DMD: variants seen among roughly 807,000 people sequenced by gnomAD.
DMD encodes dystrophin, also known as mutant dystrophin.
A neutral mutation model predicts 330.1 loss-of-function variants in DMD; 63 were observed. The observed-to-expected ratio is 0.19, with a 90% confidence interval of 0.16 to 0.24. The LOEUF (loss-of-function observed/expected upper bound fraction) is 0.24. Among genes scored for constraint, DMD ranks in the 10% least tolerant of loss-of-function variants. The pLI, the probability that DMD is intolerant of heterozygous loss-of-function variation, is 1.00. For synonymous variants in DMD, 1,223 were observed against 959.8 expected, an observed-to-expected ratio of 1.27 and a Z score of -5.07; for missense variants, 3,344 against 2,684.1, an observed-to-expected ratio of 1.25 and a Z score of -5.43.
chrX:31,274,723 T>C (rs908968701), intron 62 of DMD, among the ~76,000 whole-genome samples: 3 of 112,484 alleles, frequency 2.7e-5, no homozygotes, highest in Non-Finnish European at 5.6e-5. Context: ...TAAGTTTCTC[T>C]ATTAAATATT....
chrX:33,235,572 C>G, intron 1 of DMD, among the ~76,000 whole-genome samples: 1 of 111,915 alleles, frequency 8.9e-6, no homozygotes, highest in South Asian at 3.7e-4. Flanking sequence ...GATTCAATGA[C>G]ATACAGCAAT....
intron 9 of DMD, among the ~76,000 whole-genome samples, chrX:32,662,970 G>C (rs1315771458): frequency 3.6e-5 from 4 of 112,041 alleles, no homozygotes; most frequent in African/African-American, 1.3e-4. Context: ...AGACCTCAAA[G>C]TCCTTTGTTT....
At chrX:32,141,282 A>C (rs1569546555) in intron 44 of DMD, among the ~76,000 whole-genome samples, 3 of 107,768 alleles carry the variant, frequency 2.8e-5, no homozygotes, top group Admixed American at 1.0e-4. Context: ...AAAAAAAAAA[A>C]ACAAATAGCC....
intron 44 of DMD, among the ~76,000 whole-genome samples, chrX:32,180,744 C>T (rs1327618726): frequency 9.0e-6 from 1 of 111,598 alleles, no homozygotes; most frequent in Non-Finnish European, 1.9e-5. Context: ...GAGCAAGCCA[C>T]CTTCTTCACA....
chrX:33,139,528 C>A (rs116567048), intron 1 of DMD, among the ~76,000 whole-genome samples: 123 of 110,493 alleles, frequency 1.1e-3, no homozygotes, highest in African/African-American at 4.0e-3. Flanking sequence ...GTGATCGGAG[C>A]ATGCGGGTGG....
intron 2 of DMD, among the ~76,000 whole-genome samples, chrX:32,949,635 G>A (rs995486671): frequency 6.3e-5 from 7 of 111,270 alleles, no homozygotes; most frequent in Non-Finnish European, 1.3e-4. Flanking sequence ...CATTCAAAGT[G>A]TTGCCTGTCC....
intron 60 of DMD, among the ~76,000 whole-genome samples, chrX:31,421,998 C>CACATATATAT (rs1272319782): frequency 1.2e-5 from 1 of 80,523 alleles, no homozygotes; most frequent in Non-Finnish European, 2.1e-5. Context: ...TATATATACA[C>CACATATATAT]ACACATATAT....
At chrX:33,288,793 T>C (rs1406068121) in intron 1 of DMD, among the ~76,000 whole-genome samples, 2 of 111,968 alleles carry the variant, frequency 1.8e-5, no homozygotes, top group Non-Finnish European at 3.8e-5. Context: ...AAATATCACC[T>C]TTCCAGAAAG....
At chrX:33,158,698 A>G (rs974693300) in intron 1 of DMD, among the ~76,000 whole-genome samples, 8 of 111,596 alleles carry the variant, frequency 7.2e-5, no homozygotes, top group Non-Finnish European at 1.1e-4. Context: ...TGACCAAAGC[A>G]GCATAACCTA....
intron 29 of DMD, among the ~76,000 whole-genome samples, chrX:32,436,367 C>T (rs1250193245): frequency 9.0e-6 from 1 of 111,710 alleles, no homozygotes; most frequent in Non-Finnish European, 1.9e-5. Context: ...ACTACTAATA[C>T]AAGGTGTTAT....
intron 7 of DMD, among the ~76,000 whole-genome samples, chrX:32,763,698 G>A (rs753467926): frequency 8.0e-5 from 9 of 111,851 alleles, no homozygotes; most frequent in South Asian, 3.7e-4. Context: ...TATTTCAAGT[G>A]TCTACCTTGA....
At chrX:33,023,104 T>C (rs1446465892) in intron 1 of DMD, among the ~76,000 whole-genome samples, 2 of 112,079 alleles carry the variant, frequency 1.8e-5, no homozygotes, top group Non-Finnish European at 3.8e-5. Flanking sequence ...GTCTTATATA[T>C]CATTATGGAA....
intron 49 of DMD, 34 bp downstream of exon 49, chrX:31,836,684 A>T (rs368758267): frequency 3.9e-5 from 40 of 1,035,500 alleles, no homozygotes; most frequent in Non-Finnish European, 5.3e-5. Flanking sequence ...ACCCATTATG[A>T]GGTAATGGAT....
chrX:32,134,610 T>C (rs1447023321), intron 44 of DMD, among the ~76,000 whole-genome samples: 1 of 111,536 alleles, frequency 9.0e-6, no homozygotes, highest in Admixed American at 9.5e-5. Flanking sequence ...ATAAACTATG[T>C]GTTTAACGGT....
intron 21 of DMD, among the ~76,000 whole-genome samples, chrX:32,481,410 GA>G: frequency 9.0e-6 from 1 of 111,063 alleles, no homozygotes; most frequent in East Asian, 2.8e-4. Flanking sequence ...GGTGAGTTTT[GA>G]AAAAATACAA....
At chrX:31,717,332 A>G (rs1402559844) in intron 52 of DMD, among the ~76,000 whole-genome samples, 1 of 109,856 alleles carries the variant, frequency 9.1e-6, no homozygotes, top group Non-Finnish European at 1.9e-5. Flanking sequence ...CTGAAGGGAA[A>G]CGTGGGCATT....
chrX:32,062,324 T>C (rs1325307803), intron 44 of DMD, among the ~76,000 whole-genome samples: 1 of 111,429 alleles, frequency 9.0e-6, no homozygotes, highest in Non-Finnish European at 1.9e-5. Context: ...AGTTAGTGAA[T>C]GCTACCTAAG....
At chrX:31,271,617 A>G (rs958277141) in intron 62 of DMD, among the ~76,000 whole-genome samples, 1 of 111,811 alleles carries the variant, frequency 8.9e-6, no homozygotes, top group African/African-American at 3.3e-5. Context: ...CTCTCTATCT[A>G]TAGTGCGCCC....
At chrX:31,179,948 T>C (rs1480415536) in intron 69 of DMD, among the ~76,000 whole-genome samples, 1 of 111,700 alleles carries the variant, frequency 9.0e-6, no homozygotes, top group African/African-American at 3.2e-5. Context: ...GTCACTAGTA[T>C]ACAGGACAGA....
Sources: allele counts gnomAD v4.1 joint callset (sites outside exome capture counted in the v4.1 genomes callset), GRCh38; gene constraint gnomAD v4.1.1; transcripts MANE v1.5; gene names NCBI Gene and HGNC (gene_info 2026-07-23, HGNC 2026-07-21).